Variants in MPRIP observed in about 807,000 individuals in gnomAD.
MPRIP encodes the protein myosin phosphatase Rho-interacting protein.
Under a neutral mutation model 234.9 loss-of-function variants are expected in MPRIP, and 59 were observed. That is an observed-to-expected ratio of 0.25 (90% CI 0.20 to 0.31). The LOEUF (loss-of-function observed/expected upper bound fraction) is 0.31, where lower values mean the gene tolerates loss of function less well. MPRIP is among the 10% of genes least tolerant of loss of function. The probability of loss-of-function intolerance (pLI) is 1.00; values close to 1 mark genes in which losing one functional copy is unlikely to be tolerated. For synonymous variants in MPRIP, 1,144 were observed against 1,263.9 expected (o/e 0.91, Z 2.01); for missense variants, 2,436 against 3,071.0 (o/e 0.79, Z 4.89).
chr17:17,171,796 C>T lies in MPRIP; in HGVS notation c.6403C>T (p.Arg2135Trp), dbSNP rs753640400. ...TGAAGATCTCCAGAGGCAGCACCAG[C>T]GGGAGCTAGAGAAACTTCGAGAAGA... ...KIEDLQRQHQ[R>W]ELEKLREEKD... The change falls in exon 17 of 24, where the codon CGG becomes TGG. Residue 2135 changes from arginine to tryptophan, a missense_variant. Physicochemically the swap from Arg to Trp is moderately radical, Grantham distance 101. This residue lies in a region of MPRIP where 1,998 missense variants were observed against 2,520.3 expected (regional missense o/e 0.79). Coordinates refer to ENST00000651222, the MANE Select transcript of MPRIP (RefSeq NM_001364716.4). The T allele has an allele frequency of 3.7e-6, 6 of 1,613,646 alleles. No individual in the cohort carries two copies. Among genetic ancestry groups the T allele is most frequent in the Non-Finnish European group, 5.1e-6 (6 of 1,180,020 alleles).
chr17:17,139,271 A>G (rs4985703), intron 7 of MPRIP, among the ~76,000 whole-genome samples: 19,843 of 152,240 alleles, frequency 0.13, 1,843 homozygotes, highest in East Asian at 0.3. Context: ...TCAGGCTTGC[A>G]CCCCTGCATC....
At chr17:17,043,202 C>G (rs1205881167) in intron 1 of MPRIP, among the ~76,000 whole-genome samples, 1 of 152,156 alleles carries the variant, frequency 6.6e-6, no homozygotes, top group South Asian at 2.1e-4. Context: ...CTGTGTGATT[C>G]ATGCTTTTTG....
intron 3 of MPRIP, among the ~76,000 whole-genome samples, chr17:17,106,872 G>A (rs2090072856): frequency 6.6e-6 from 1 of 152,212 alleles, no homozygotes; most frequent in African/African-American, 2.4e-5. Flanking sequence ...TTTCTGAGAA[G>A]CAGATTGGGA....
chr17:17,052,706 C>T (rs536441375), intron 1 of MPRIP, among the ~76,000 whole-genome samples: 4 of 152,224 alleles, frequency 2.6e-5, no homozygotes, highest in African/African-American at 9.6e-5. Flanking sequence ...TCGCCCAGAT[C>T]TTCACCTCTC....
intron 19 of MPRIP, 99 bp from the exon 20 acceptor site, chr17:17,175,194 G>A: frequency 1.3e-6 from 2 of 1,561,432 alleles, no homozygotes; most frequent in Admixed American, 1.7e-5. Context: ...CAGTTCCACA[G>A]ATACACAAAG....
chr17:17,049,640 C>T (rs778328452), intron 1 of MPRIP, among the ~76,000 whole-genome samples: 5 of 152,206 alleles, frequency 3.3e-5, no homozygotes, highest in South Asian at 2.1e-4. Flanking sequence ...CATCAAATCC[C>T]GGAGCCTTTT....
intron 1 of MPRIP, among the ~76,000 whole-genome samples, chr17:17,065,433 T>A (rs930287543): frequency 4.0e-5 from 6 of 151,380 alleles, no homozygotes; most frequent in African/African-American, 1.5e-4. Flanking sequence ...TAGCACCATT[T>A]GTTGAAAGAC....
At chr17:17,093,265 A>G (rs2089762056) in intron 3 of MPRIP, among the ~76,000 whole-genome samples, 1 of 152,244 alleles carries the variant, frequency 6.6e-6, no homozygotes, top group Non-Finnish European at 1.5e-5. Context: ...TAGTCCCTGC[A>G]TGAACTCTCC....
intron 14 of MPRIP, among the ~76,000 whole-genome samples, chr17:17,159,633 T>A (rs1183155705): frequency 2.0e-5 from 3 of 152,214 alleles, no homozygotes. Context: ...TAAAATAAGA[T>A]GTTCTTTCAT....
intron 22 of MPRIP, 21 bp downstream of exon 22, chr17:17,177,433 C>G: frequency 1.2e-6 from 2 of 1,607,050 alleles, no homozygotes; most frequent in Non-Finnish European, 1.7e-6. Flanking sequence ...GGGTCATGCC[C>G]TCTCGGTTAT....
chr17:17,180,272 G>A, intron 23 of MPRIP, 184 bp downstream of exon 23: 1 of 613,496 alleles, frequency 1.6e-6, no homozygotes, highest in Admixed American at 3.1e-5. Flanking sequence ...GTCTGTCTTG[G>A]AGCCACCTCC....
At chr17:17,085,403 C>T (rs901287019) in intron 3 of MPRIP, among the ~76,000 whole-genome samples, 1 of 152,182 alleles carries the variant, frequency 6.6e-6, no homozygotes, top group Non-Finnish European at 1.5e-5. Flanking sequence ...GGGGAGGTAG[C>T]CCCCGCAGGC....
chr17:17,137,492 G>A (rs1364451980), intron 6 of MPRIP, among the ~76,000 whole-genome samples: 1 of 141,258 alleles, frequency 7.1e-6, no homozygotes, highest in Non-Finnish European at 1.5e-5. Context: ...CTAGCCTGGC[G>A]ACAGAGCGAG....
intron 3 of MPRIP, among the ~76,000 whole-genome samples, chr17:17,082,767 A>G (rs945888906): frequency 2.6e-5 from 4 of 152,180 alleles, no homozygotes; most frequent in African/African-American, 9.7e-5. Context: ...CCATTGAACT[A>G]TAACTCCCTT....
chr17:17,123,078 A>ACCTTGAAAATATGCTAAAT lies in MPRIP; in HGVS notation c.268-3604_268-3586dup, dbSNP rs536578680. On this transcript the variant is annotated intron_variant, in intron 3 of 23. Transcript: ENST00000651222. ...CTGACACATGCTGCAATGCGGAGGA[A>ACCTTGAAAATATGCTAAAT]CCTTGAAAATATGCTAAATCCTTGA... is the stretch of plus-strand genomic sequence containing the variant. Among the ~76,000 whole-genome samples, 154 of 152,360 alleles carry ACCTTGAAAATATGCTAAAT rather than the reference A, an allele frequency of 1.0e-3. 2 individuals carry two copies. The East Asian group carries it at 0.022, about 22-fold the overall frequency.
chr17:17,172,090 C>T (rs531887554), intron 17 of MPRIP, among the ~76,000 whole-genome samples: 8 of 152,340 alleles, frequency 5.3e-5, no homozygotes, highest in East Asian at 3.9e-4. Context: ...ACAGCCCCGT[C>T]GTGGCCGGCT....
At chr17:17,155,790 C>T (rs1013744814) in intron 13 of MPRIP, among the ~76,000 whole-genome samples, 3 of 152,236 alleles carry the variant, frequency 2.0e-5, no homozygotes, top group African/African-American at 7.2e-5. Flanking sequence ...GTGACAAGTC[C>T]TCTTTGTGCA....
chr17:17,165,628 C>T lies in MPRIP; in HGVS notation c.4037C>T (p.Thr1346Ile), dbSNP rs1489060968. 3 of 1,304,812 alleles carry T rather than the reference C, an allele frequency of 2.3e-6. No homozygotes were observed. The highest frequency in any genetic ancestry group is 3.0e-5 in the African/African-American group (2 of 65,884). 80.8% of individuals were successfully genotyped at this position (1,304,812 alleles called of 1,614,324 possible). A position where few individuals can be genotyped will look rare whatever the true frequency, so the allele number is the denominator to read the frequency against. The change falls in exon 16 of 24, where the codon ACA (threonine) becomes ATA (isoleucine). Residue 1346 changes from threonine to isoleucine, a missense_variant. Transcript: ENST00000651222. ...EGSEKTWTSS[T>I]SSDTSQDRSP... The stretch of plus-strand genomic sequence containing the variant: ...TCTGAGAAGACCTGGACCAGCAGCA[C>T]ATCTTCCGACACCAGCCAGGACCGG...
chr17:17,143,148 C>T (rs1350283585), intron 8 of MPRIP, among the ~76,000 whole-genome samples: 4 of 152,170 alleles, frequency 2.6e-5, no homozygotes, highest in Middle Eastern at 3.2e-3. Context: ...CCTGGGCACC[C>T]GCCTGCTGCT....
Sources: allele counts gnomAD v4.1 joint callset (sites outside exome capture counted in the v4.1 genomes callset), GRCh38; gene constraint gnomAD v4.1.1; regional missense constraint gnomAD v4.1.1; transcripts MANE v1.5; gene names NCBI Gene and HGNC (gene_info 2026-07-23, HGNC 2026-07-21).